The following TMEM154 variants were observed in gnomAD, a reference collection of about 807,000 sequenced individuals.
TMEM154 encodes transmembrane protein 154.
Under a neutral mutation model 24.5 loss-of-function variants are expected in TMEM154, and 27 were observed. That is an observed-to-expected ratio of 1.10 (90% CI 0.81 to 1.52). The LOEUF (loss-of-function observed/expected upper bound fraction) is 1.52, where lower values mean the gene tolerates loss of function less well. TMEM154 is among the 40% of genes most tolerant of loss of function. The probability of loss-of-function intolerance (pLI) is 0.00; values close to 1 mark genes in which losing one functional copy is unlikely to be tolerated. For synonymous variants in TMEM154, 67 were observed against 76.8 expected (o/e 0.87, Z 0.67); for missense variants, 228 against 213.4 (o/e 1.07, Z -0.43).
intron 1 of TMEM154, among the ~76,000 whole-genome samples, chr4:152,660,973 G>A (rs1259629808): frequency 3.3e-5 from 5 of 152,086 alleles, no homozygotes; most frequent in African/African-American, 9.7e-5. Context: ...CCGTGGCCCC[G>A]GGAAAAGAGA....
intron 6 of TMEM154, among the ~76,000 whole-genome samples, 180 bp from the exon 7 acceptor site, chr4:152,628,741 A>AT (rs1197444687): frequency 6.7e-6 from 1 of 148,398 alleles, no homozygotes; most frequent in Non-Finnish European, 1.5e-5. Flanking sequence ...GGTTCAGGTC[A>AT]TTCTCCTGCC....
chr4:152,648,831 C>T (rs1182098027), intron 3 of TMEM154, among the ~76,000 whole-genome samples: 1 of 152,128 alleles, frequency 6.6e-6, no homozygotes, highest in Non-Finnish European at 1.5e-5. Context: ...CCCCTTGAGT[C>T]CATTAGGTAA....
rs1751877477 is a variant in TMEM154 at position 152,623,923 on chromosome 4, C to T, written c.*4623G>A. The T allele has an allele frequency of 6.6e-6, 1 of 151,202 alleles. No homozygotes were observed. The highest frequency in any genetic ancestry group is 1.5e-5 in the Non-Finnish European group (1 of 67,808). 9.4% of individuals were successfully genotyped at this position (151,202 alleles called of 1,614,324 possible). A position where few individuals can be genotyped will look rare whatever the true frequency, so the allele number is the denominator to read the frequency against. ...GAAATGGGAAACTGTTAAGAATATG[C>T]TTTTCATAAAAGTCCAGTTACTTAT... is the stretch of plus-strand genomic sequence containing the variant. On this transcript the variant is annotated 3_prime_UTR_variant, in exon 7 of 7. Coordinates refer to ENST00000304385, the MANE Select transcript of TMEM154 (RefSeq NM_152680.3).
At chr4:152,648,538 G>T (rs1728311574) in intron 3 of TMEM154, among the ~76,000 whole-genome samples, 1 of 152,164 alleles carries the variant, frequency 6.6e-6, no homozygotes, top group Admixed American at 6.5e-5. Flanking sequence ...AAAAGGGATG[G>T]CAGTTTGCCA....
At chr4:152,640,892 C>A (rs759733652) in intron 6 of TMEM154, 36 bp downstream of exon 6, 1 of 1,454,084 alleles carries the variant, frequency 6.9e-7, no homozygotes, top group Non-Finnish European at 9.6e-7. Context: ...CGCCCCCCGC[C>A]ATATACATGT....
In TMEM154 at chr4:152,676,271, A is replaced by G. The variant is rs370295629; in HGVS notation, c.64+3599T>C. Among the ~76,000 whole-genome samples the G allele has an allele frequency of 3.2e-3, 486 of 152,312 alleles. 4 individuals carry two copies. The highest frequency in any genetic ancestry group is 0.011 in the African/African-American group (452 of 41,546). Reference sequence around the variant, plus strand: ...AAATGCAGCTCTATAATTGACATGCAGCCACCGCAAAGCCTAGCCAAGAGT... The same window carrying G: ...AAATGCAGCTCTATAATTGACATGCGGCCACCGCAAAGCCTAGCCAAGAGT... On this transcript the variant is annotated intron_variant, in intron 1 of 6. Transcript: ENST00000304385.
Position 152,640,980 on chromosome 4 carries a change from AGTCGGC to A in TMEM154, c.479-1_483del, listed in dbSNP as rs1308804750. ...TCCTTCAAGGTAGGTAAACATTCAA[AGTCGGC>A]TAGGACAGAATAAAAGCAAACTCAT... On this transcript the variant is annotated splice_acceptor_variant and coding_sequence_variant, in exon 6 of 7. Coordinates refer to ENST00000304385, the MANE Select transcript of TMEM154 (RefSeq NM_152680.3). LOFTEE classifies it high-confidence loss of function. 3.7e-6 allele frequency: 6 copies of A among 1,610,982 alleles called. No homozygotes were observed. The Admixed American group carries it at 5.1e-5, about 14-fold the overall frequency.
intron 1 of TMEM154, 134 bp from the exon 2 acceptor site, chr4:152,653,061 T>A (rs1378049610): frequency 1.2e-6 from 1 of 831,366 alleles, no homozygotes; most frequent in Admixed American, 3.1e-5. Flanking sequence ...CCAAGCTAAG[T>A]GTGACACAGA....
chr4:152,671,760 A>AAG (rs1728843997), intron 1 of TMEM154, among the ~76,000 whole-genome samples: 1 of 149,838 alleles, frequency 6.7e-6, no homozygotes, highest in African/African-American at 2.4e-5. Flanking sequence ...AAAAAAAAAA[A>AAG]AAAAAAAAGA....
At chr4:152,657,132 A>G (rs1728507643) in intron 1 of TMEM154, among the ~76,000 whole-genome samples, 1 of 149,042 alleles carries the variant, frequency 6.7e-6, no homozygotes, top group South Asian at 2.2e-4. Context: ...AGATAAAAAT[A>G]AAGAAAAAAG....
chr4:152,633,268 C>G (rs1421394756), intron 6 of TMEM154, among the ~76,000 whole-genome samples: 6 of 152,240 alleles, frequency 3.9e-5, no homozygotes, highest in Non-Finnish European at 8.8e-5. Flanking sequence ...CTACTAGTTG[C>G]CTCGCCTGTG....
intron 1 of TMEM154, chr4:152,668,499 A>G (rs1358190447): frequency 6.6e-6 from 1 of 152,198 alleles, no homozygotes; most frequent in Non-Finnish European, 1.5e-5. Context: ...CCTCTGAGGC[A>G]GGGTGGGAAG....
intron 6 of TMEM154, among the ~76,000 whole-genome samples, chr4:152,631,993 G>C (rs1752053729): frequency 6.6e-6 from 1 of 151,486 alleles, no homozygotes; most frequent in Non-Finnish European, 1.5e-5. Context: ...TTTTTTAGTA[G>C]AGGTGGGGTT....
intron 6 of TMEM154, among the ~76,000 whole-genome samples, chr4:152,633,960 T>C (rs1258424751): frequency 6.8e-6 from 1 of 146,688 alleles, no homozygotes; most frequent in Non-Finnish European, 1.5e-5. Context: ...ACTGAGAAGG[T>C]TGAGGCTGTA....
At chr4:152,661,292 C>T (rs78762649) in intron 1 of TMEM154, among the ~76,000 whole-genome samples, 114 of 57,718 alleles carry the variant, frequency 2.0e-3, no homozygotes, top group East Asian at 0.014. Flanking sequence ...CTTTCTCTCT[C>T]TCTCTCTCTC....
chr4:152,642,272 G>A (rs562204821), intron 5 of TMEM154, among the ~76,000 whole-genome samples: 1 of 152,186 alleles, frequency 6.6e-6, no homozygotes, highest in Admixed American at 6.5e-5. Flanking sequence ...CTACTGTAGA[G>A]TGTTGAATTT....
chr4:152,631,225 G>A lies in TMEM154; in HGVS notation c.537-2664C>T, dbSNP rs542397960. ...CATTCTTCCAACACTACTCTTTAGG[G>A]AACTATCCTTTTCCCCACATCCTCT... is the stretch of plus-strand genomic sequence containing the variant. On this transcript the variant is annotated intron_variant, in intron 6 of 6. Transcript: ENST00000304385. Among the ~76,000 whole-genome samples, 181 of 152,132 alleles carry A rather than the reference G, an allele frequency of 1.2e-3. 1 individual carries two copies. The highest frequency in any genetic ancestry group is 3.4e-3 in the Middle Eastern group (1 of 294).
intron 1 of TMEM154, among the ~76,000 whole-genome samples, chr4:152,673,924 G>A (rs1470089130): frequency 6.6e-6 from 1 of 151,866 alleles, no homozygotes; most frequent in Non-Finnish European, 1.5e-5. Flanking sequence ...TCTTGGGATT[G>A]TGGAGCATGA....
chr4:152,641,029 G>A (rs751348328), intron 5 of TMEM154, 44 bp from the exon 6 acceptor site: 97 of 1,571,624 alleles, frequency 6.2e-5, no homozygotes, highest in Non-Finnish European at 7.2e-5. Context: ...TACTGAAATC[G>A]TATTTTCTAT....
Sources: gnomAD v4.1 joint callset for allele counts (sites outside exome capture counted in the v4.1 genomes callset) on GRCh38, gnomAD v4.1.1 for gene constraint, MANE v1.5 for transcripts, NCBI Gene and HGNC (gene_info 2026-07-23, HGNC 2026-07-21) for gene names.